ITPR2: variants seen among roughly 807,000 people sequenced by gnomAD.
The protein encoded by ITPR2 is inositol 1,4,5-trisphosphate receptor type 2.
Under a neutral mutation model 317.1 loss-of-function variants are expected in ITPR2, and 207 were observed. That is an observed-to-expected ratio of 0.65 (90% CI 0.58 to 0.73). The LOEUF (loss-of-function observed/expected upper bound fraction) is 0.73. Ranked by LOEUF, ITPR2 falls within the 30% of genes least tolerant of loss-of-function variation. The pLI, the probability that ITPR2 is intolerant of heterozygous loss-of-function variation, is 0.00. For missense variants in ITPR2, 2,613 were observed against 3,284.0 expected (o/e 0.80, Z 4.99); for synonymous variants, 1,156 against 1,149.1 (o/e 1.01, Z -0.12).
At chr12:26,768,873 TA>T (rs1476404643) in intron 2 of ITPR2, among the ~76,000 whole-genome samples, 1 of 152,132 alleles carries the variant, frequency 6.6e-6, no homozygotes, top group African/African-American at 2.4e-5. Flanking sequence ...AAAATGCTAG[TA>T]AAAACCATTT....
intron 45 of ITPR2, among the ~76,000 whole-genome samples, chr12:26,455,009 A>T (rs898194312): frequency 6.6e-6 from 1 of 152,072 alleles, no homozygotes; most frequent in Non-Finnish European, 1.5e-5. Flanking sequence ...GAATGAGTCA[A>T]TTGCTTTTCT....
Position 26,621,166 on chromosome 12 carries a change from T to A in ITPR2, c.3419A>T (p.Glu1140Val). 6.2e-7 allele frequency: 1 copy of A among 1,613,798 alleles called. No individual in the cohort carries two copies. Among genetic ancestry groups the A allele is most frequent in the Non-Finnish European group, 8.5e-7 (1 of 1,179,852 alleles). Residue 1140 changes from glutamate (E) to valine (V), a missense_variant, in exon 26 of 57, where the codon GAA becomes GTA. This residue lies in a region of ITPR2 where 817 missense variants were observed against 897.6 expected (regional missense o/e 0.91). Transcript: ENST00000381340. ...ACCTTTCACTTGACTTTCCCCTATT[T>A]CTCCATTCTCATAGTTGCTGCTCTT... ...VEKSSNYENG[E>V]IGESQVKGGE... is the part of the protein sequence containing the mutation.
At chr12:26,384,879 G>A (rs1939621924) in intron 55 of ITPR2, among the ~76,000 whole-genome samples, 1 of 151,800 alleles carries the variant, frequency 6.6e-6, no homozygotes, top group African/African-American at 2.4e-5. Flanking sequence ...TCCTGAATGG[G>A]GGATCCCCTG....
chr12:26,622,444 A>C, intron 24 of ITPR2, 39 bp from the exon 25 acceptor site: 1 of 1,471,462 alleles, frequency 6.8e-7, no homozygotes, highest in Non-Finnish European at 9.2e-7. Flanking sequence ...ACTCCTATTT[A>C]TATAACATCT....
chr12:26,812,710 G>T (rs76173527), intron 1 of ITPR2, among the ~76,000 whole-genome samples: 5,811 of 152,326 alleles, frequency 0.038, 160 homozygotes, highest in Middle Eastern at 0.071. Flanking sequence ...GAACACAAGA[G>T]AAGTGTTATC....
chr12:26,501,967 G>T (rs1405665646), intron 37 of ITPR2, among the ~76,000 whole-genome samples: 1 of 152,190 alleles, frequency 6.6e-6, no homozygotes, highest in African/African-American at 2.4e-5. Flanking sequence ...TTAAATATTT[G>T]ATGCTGCTGC....
intron 34 of ITPR2, among the ~76,000 whole-genome samples, chr12:26,563,499 G>A (rs941447222): frequency 6.6e-6 from 1 of 151,888 alleles, no homozygotes; most frequent in African/African-American, 2.4e-5. Flanking sequence ...GAACCCAGTA[G>A]GCAGAGGTTG....
At chr12:26,624,671 C>G (rs1482929069) in intron 23 of ITPR2, among the ~76,000 whole-genome samples, 1 of 150,200 alleles carries the variant, frequency 6.7e-6, no homozygotes, top group Non-Finnish European at 1.5e-5. Flanking sequence ...AACAAACAGG[C>G]AATAATAAAT....
intron 45 of ITPR2, among the ~76,000 whole-genome samples, chr12:26,446,883 A>G (rs1306252558): frequency 1.3e-5 from 2 of 152,048 alleles, no homozygotes; most frequent in African/African-American, 4.8e-5. Flanking sequence ...AACAAAACAG[A>G]GATAACTTCA....
At chr12:26,391,728 T>C (rs1191126897) in intron 54 of ITPR2, among the ~76,000 whole-genome samples, 12 of 151,642 alleles carry the variant, frequency 7.9e-5, no homozygotes, top group Admixed American at 7.9e-4. Context: ...CCACGCCCAA[T>C]TAATTTTTGT....
intron 10 of ITPR2, among the ~76,000 whole-genome samples, chr12:26,690,603 T>C (rs1044584274): frequency 3.3e-5 from 5 of 152,254 alleles, no homozygotes; most frequent in African/African-American, 1.2e-4. Flanking sequence ...TTTATCCCTC[T>C]TTTAAAATGC....
At chr12:26,543,308 C>T (rs779665593) in intron 37 of ITPR2, among the ~76,000 whole-genome samples, 3 of 151,940 alleles carry the variant, frequency 2.0e-5, no homozygotes, top group African/African-American at 7.3e-5. Context: ...AGGCACAGTA[C>T]TTTAATAAAG....
intron 1 of ITPR2, among the ~76,000 whole-genome samples, chr12:26,815,632 A>G (rs924326701): frequency 1.3e-5 from 2 of 152,196 alleles, no homozygotes; most frequent in Non-Finnish European, 2.9e-5. Context: ...GCATTACATC[A>G]AAAGGATAGC....
intron 55 of ITPR2, among the ~76,000 whole-genome samples, chr12:26,351,704 T>C (rs1057201506): frequency 1.3e-5 from 2 of 152,190 alleles, no homozygotes; most frequent in East Asian, 3.9e-4. Flanking sequence ...GTCCTACCAG[T>C]GGACTTCCTC....
chr12:26,413,707 A>C (rs1248264291), intron 51 of ITPR2, among the ~76,000 whole-genome samples: 1 of 152,174 alleles, frequency 6.6e-6, no homozygotes, highest in African/African-American at 2.4e-5. Flanking sequence ...GCTTTATTGA[A>C]CAGCATTCTA....
chr12:26,642,781 A>G (rs1436483922), intron 21 of ITPR2, among the ~76,000 whole-genome samples: 1 of 152,206 alleles, frequency 6.6e-6, no homozygotes, highest in Non-Finnish European at 1.5e-5. Context: ...ACAAGATCTT[A>G]GTCTTGACCC....
At chr12:26,634,870 G>A (rs1028945900) in intron 21 of ITPR2, among the ~76,000 whole-genome samples, 4 of 105,730 alleles carry the variant, frequency 3.8e-5, no homozygotes, top group African/African-American at 1.5e-4. Flanking sequence ...AGGCAACAGA[G>A]CAAGACTTCA....
chr12:26,649,589 T>C (rs1161661990), intron 21 of ITPR2: 1 of 152,170 alleles, frequency 6.6e-6, no homozygotes, highest in Non-Finnish European at 1.5e-5. Flanking sequence ...CCCACATAGA[T>C]ATTCTCTATT....
intron 30 of ITPR2, 128 bp downstream of exon 30, chr12:26,599,017 G>C (rs954261322): frequency 3.9e-6 from 3 of 764,310 alleles, no homozygotes; most frequent in Non-Finnish European, 6.5e-6. Flanking sequence ...ATTTGCACTT[G>C]AGTAGTCATG....
Sources: allele counts gnomAD v4.1 joint callset (sites outside exome capture counted in the v4.1 genomes callset), GRCh38; gene constraint gnomAD v4.1.1; regional missense constraint gnomAD v4.1.1; transcripts MANE v1.5; gene names NCBI Gene and HGNC (gene_info 2026-07-23, HGNC 2026-07-21).